The following HPSE2 variants were observed in gnomAD, a reference collection of about 807,000 sequenced individuals.
HPSE2 encodes inactive heparanase-2.
HPSE2 carries 38 observed loss-of-function variants against 60.5 expected under a neutral mutation model. That is an observed-to-expected ratio of 0.63 (90% CI 0.48 to 0.82). The LOEUF (loss-of-function observed/expected upper bound fraction) is 0.82, where lower values mean the gene tolerates loss of function less well. Among genes scored for constraint, HPSE2 ranks in the 40% least tolerant of loss-of-function variants. The pLI is 0.00. For synonymous variants in HPSE2, 295 were observed against 293.2 expected (o/e 1.01, Z -0.06); for missense variants, 713 against 740.4 (o/e 0.96, Z 0.43).
chr10:98,590,902 T>C (rs1400017347), intron 9 of HPSE2, among the ~76,000 whole-genome samples: 2 of 152,150 alleles, frequency 1.3e-5, no homozygotes, highest in African/African-American at 4.8e-5. Context: ...GATGGAAAGA[T>C]TTTTTTAAAT....
At chr10:98,804,335 GA>G (rs35869792) in intron 3 of HPSE2, among the ~76,000 whole-genome samples, 5,763 of 151,956 alleles carry the variant, frequency 0.038, 231 homozygotes, top group East Asian at 0.17. Flanking sequence ...TCAACAAAAT[GA>G]AGAGATAACC....
At chr10:99,172,478 G>A (rs2133805734) in intron 2 of HPSE2, among the ~76,000 whole-genome samples, 1 of 152,130 alleles carries the variant, frequency 6.6e-6, no homozygotes, top group African/African-American at 2.4e-5. Flanking sequence ...GACTATATTG[G>A]ACACTATATT....
In HPSE2 at chr10:99,144,331, TAAC is replaced by T. The variant is rs1438964246; in HGVS notation, c.514_516del (p.Val172del). 8.1e-6 allele frequency: 13 copies of T among 1,613,976 alleles called. No individual in the cohort carries two copies. Among genetic ancestry groups the T allele is most frequent in the Non-Finnish European group, 1.1e-5 (13 of 1,179,998 alleles). ...GCCTTCTCCCTTTGGAGCTCCAGCA[TAAC>T]ATCAGGGTGCTGGGCAATCTTGCAG... is the stretch of plus-strand genomic sequence containing the variant. On this transcript the variant is annotated inframe_deletion, in exon 3 of 12. Transcript: ENST00000370552.
At chr10:99,185,984 G>A (rs925099682) in intron 2 of HPSE2, among the ~76,000 whole-genome samples, 5 of 151,812 alleles carry the variant, frequency 3.3e-5, no homozygotes, top group Non-Finnish European at 7.4e-5. Flanking sequence ...AATCCTAAAA[G>A]GCAAAGAGAG....
In HPSE2 at chr10:98,687,139, C is replaced by G. The variant is rs1947938966; in HGVS notation, c.1004+6761G>C. Among the ~76,000 whole-genome samples, 3 of 152,104 alleles carry G rather than the reference C, an allele frequency of 2.0e-5. No individual in the cohort carries two copies. In the South Asian group the frequency reaches 6.2e-4, roughly 32 times the overall value. ...GATTGCTGCTCTAAACAAATCATCACAAACAGTAGCTTAAAGCAATCCAAA... is the reference window on the plus strand; with the variant it reads ...GATTGCTGCTCTAAACAAATCATCAGAAACAGTAGCTTAAAGCAATCCAAA... On this transcript the variant is annotated intron_variant, in intron 6 of 11. Coordinates refer to ENST00000370552, the MANE Select transcript of HPSE2 (RefSeq NM_021828.5).
intron 5 of HPSE2, among the ~76,000 whole-genome samples, chr10:98,695,058 G>A (rs1948176340): frequency 1.3e-5 from 2 of 152,214 alleles, no homozygotes; most frequent in African/African-American, 4.8e-5. Context: ...TGTGTGGGTT[G>A]CTGTGTATTG....
Position 98,646,453 on chromosome 10 carries a change from C to T in HPSE2, c.1005-4513G>A, listed in dbSNP as rs564890985. On this transcript the variant is annotated intron_variant, in intron 6 of 11. Coordinates refer to ENST00000370552, the MANE Select transcript of HPSE2 (RefSeq NM_021828.5). Reference sequence around the variant, plus strand: ...CACTTAAGATCATACCACAAGTCGTCGAGCTGTTCCACTAAAAACCAAAGC... The same window carrying T: ...CACTTAAGATCATACCACAAGTCGTTGAGCTGTTCCACTAAAAACCAAAGC... 5.9e-5 allele frequency among the ~76,000 whole-genome samples: 9 copies of T among 152,018 alleles called. No individual in the cohort carries two copies. In the South Asian group the frequency reaches 1.5e-3, roughly 25 times the overall value.
In HPSE2 at chr10:98,870,039, T is replaced by C. The variant is rs547272429; in HGVS notation, c.611-125983A>G. ...TTAACTCTTCGGATTTAGAAAAATATAGTGCTTGCAAACTGTCATTTTATT... is the reference window on the plus strand; with the variant it reads ...TTAACTCTTCGGATTTAGAAAAATACAGTGCTTGCAAACTGTCATTTTATT... On this transcript the variant is annotated intron_variant, in intron 3 of 11. Coordinates refer to ENST00000370552, the MANE Select transcript of HPSE2 (RefSeq NM_021828.5). Among the ~76,000 whole-genome samples, 6 of 152,282 alleles carry C rather than the reference T, an allele frequency of 3.9e-5. No homozygotes were observed. The East Asian group carries it at 7.7e-4, about 20-fold the overall frequency.
chr10:99,207,890 T>C (rs1564894757), intron 2 of HPSE2, among the ~76,000 whole-genome samples: 1 of 151,708 alleles, frequency 6.6e-6, no homozygotes, highest in East Asian at 1.9e-4. Context: ...ATATAATATA[T>C]ATAATGTTTT....
chr10:99,144,910 CTTACCTGGTCATGGT>C (rs6144049), intron 2 of HPSE2, among the ~76,000 whole-genome samples: 24,395 of 152,078 alleles, frequency 0.16, 2,366 homozygotes, highest in Admixed American at 0.24. Context: ...CGATCTATGG[CTTACCTGGTCATGGT>C]TTTTTCTGCT....
At chr10:98,957,570 C>A (rs1440318948) in intron 3 of HPSE2, among the ~76,000 whole-genome samples, 1 of 152,146 alleles carries the variant, frequency 6.6e-6, no homozygotes, top group African/African-American at 2.4e-5. Context: ...TTAGCCTGAG[C>A]CATCAAACAT....
intron 3 of HPSE2, among the ~76,000 whole-genome samples, chr10:99,000,717 A>T (rs1956758842): frequency 6.6e-6 from 1 of 152,102 alleles, no homozygotes; most frequent in African/African-American, 2.4e-5. Context: ...TGTAAGACAG[A>T]TTACTTATTT....
At chr10:99,272,115 A>C in the HPSE2 span, among the ~76,000 whole-genome samples, 1 of 152,174 alleles carries the variant, frequency 6.6e-6, no homozygotes, top group Non-Finnish European at 1.5e-5. Context: ...TACTAAAAAC[A>C]CAAAAATTAG....
intron 10 of HPSE2, 132 bp downstream of exon 10, chr10:98,489,919 C>T: frequency 1.1e-6 from 1 of 918,430 alleles, no homozygotes; most frequent in East Asian, 2.4e-5. Flanking sequence ...CTCCAAAGAG[C>T]AGGTATGGTG....
At chr10:98,951,037 CA>C (rs34219912) in intron 3 of HPSE2, among the ~76,000 whole-genome samples, 8 of 151,538 alleles carry the variant, frequency 5.3e-5, no homozygotes, top group African/African-American at 1.7e-4. Flanking sequence ...GTACAAGTGA[CA>C]AAAAAAAGTG....
the HPSE2 span, among the ~76,000 whole-genome samples, chr10:99,300,694 T>G: frequency 6.6e-6 from 1 of 152,232 alleles, no homozygotes; most frequent in Non-Finnish European, 1.5e-5. Flanking sequence ...AGTGCTTTTC[T>G]TAACACAGAT....
At chr10:99,239,435 T>G (rs1589857903), upstream of HPSE2, among the ~76,000 whole-genome samples, 1 of 136,652 alleles carries the variant, frequency 7.3e-6, no homozygotes, top group African/African-American at 2.8e-5. Context: ...TTTTTTTTTT[T>G]TTTTTTTTTT....
At chr10:98,769,288 A>G (rs936240670) in intron 3 of HPSE2, among the ~76,000 whole-genome samples, 44 of 152,124 alleles carry the variant, frequency 2.9e-4, no homozygotes, top group Admixed American at 2.8e-3. Context: ...CCCTCTTTCC[A>G]TATATGTGTC....
intron 3 of HPSE2, among the ~76,000 whole-genome samples, chr10:98,747,399 A>G (rs573843954): frequency 6.6e-6 from 1 of 152,196 alleles, no homozygotes; most frequent in African/African-American, 2.4e-5. Flanking sequence ...TGAGTATTTT[A>G]CTGTGTATGT....
Sources: gnomAD v4.1 joint callset for allele counts (sites outside exome capture counted in the v4.1 genomes callset) on GRCh38, gnomAD v4.1.1 for gene constraint, MANE v1.5 for transcripts, NCBI Gene and HGNC (gene_info 2026-07-23, HGNC 2026-07-21) for gene names.